Variants in DAAM2 observed in about 807,000 individuals in gnomAD.
The protein encoded by DAAM2 is disheveled-associated activator of morphogenesis 2.
In DAAM2, 39 loss-of-function variants were observed where a neutral mutation model predicts 120.7. That is an observed-to-expected ratio of 0.32 (90% CI 0.25 to 0.42). The LOEUF (loss-of-function observed/expected upper bound fraction) is 0.42. DAAM2 is among the 10% of genes least tolerant of loss of function. The probability of loss-of-function intolerance (pLI) is 1.00; values close to 1 mark genes in which losing one functional copy is unlikely to be tolerated. For missense variants in DAAM2, 1,283 were observed against 1,401.7 expected (o/e 0.92, Z 1.35); for synonymous variants, 488 against 524.9 (o/e 0.93, Z 0.96).
intron 1 of DAAM2, among the ~76,000 whole-genome samples, chr6:39,836,400 C>T (rs1763104200): frequency 6.6e-6 from 1 of 152,180 alleles, no homozygotes; most frequent in Admixed American, 6.5e-5. Context: ...CCCTGCACCA[C>T]CCTGGGTGCC....
At chr6:39,835,687 C>T (rs188086170) in intron 1 of DAAM2, among the ~76,000 whole-genome samples, 210 of 152,332 alleles carry the variant, frequency 1.4e-3, no homozygotes, top group Non-Finnish European at 2.6e-3. Context: ...GCGCATTGAG[C>T]GTAGCTATGA....
Position 39,901,437 on chromosome 6 carries a change from G to A in DAAM2, c.2947G>A (p.Glu983Lys). The change falls in exon 24 of 25, where the codon GAG becomes AAG. Residue 983 changes from glutamate to lysine, a missense_variant. Physicochemically the swap from Glu to Lys is moderately conservative, Grantham distance 56. This residue lies in a region of DAAM2 where 748 missense variants were observed against 768.6 expected (regional missense o/e 0.97). Coordinates refer to ENST00000274867, the MANE Select transcript of DAAM2 (RefSeq NM_001201427.2). The surrounding 1 kb of genome is among the most constrained non-coding windows in gnomAD (Gnocchi z 4.5). ...QDLEAMRRRK[E>K]EEERRARMEA... ...TCTAGAGGCCATGAGGAGGAGGAAGGAGGAGGAGGAGCGGCGGGCGCGCAT... is the reference window on the plus strand; with the variant it reads ...TCTAGAGGCCATGAGGAGGAGGAAGAAGGAGGAGGAGCGGCGGGCGCGCAT... 1 of 1,610,056 alleles carries A rather than the reference G, an allele frequency of 6.2e-7. No homozygotes were observed. Among genetic ancestry groups the A allele is most frequent in the Middle Eastern group, 1.7e-4 (1 of 6,016 alleles).
At chr6:39,866,077 T>C (rs1336239043) in intron 5 of DAAM2, among the ~76,000 whole-genome samples, 3 of 152,218 alleles carry the variant, frequency 2.0e-5, no homozygotes, top group African/African-American at 4.8e-5. Context: ...GGGATGTGTA[T>C]GTTGTCTGAG....
At chr6:39,804,102 G>C (rs1397916569) in intron 1 of DAAM2, among the ~76,000 whole-genome samples, 1 of 152,192 alleles carries the variant, frequency 6.6e-6, no homozygotes, top group Non-Finnish European at 1.5e-5. Flanking sequence ...TCTGTCTGGA[G>C]TTTGGCCTGA....
intron 1 of DAAM2, among the ~76,000 whole-genome samples, chr6:39,849,834 C>T (rs144182837): frequency 8.1e-4 from 124 of 152,154 alleles, no homozygotes; most frequent in African/African-American, 2.7e-3. Flanking sequence ...TCTTGGGACA[C>T]GAGATGGAAA....
At chr6:39,812,011 T>A (rs1382209052) in intron 1 of DAAM2, among the ~76,000 whole-genome samples, 1 of 152,156 alleles carries the variant, frequency 6.6e-6, no homozygotes, top group Non-Finnish European at 1.5e-5. Context: ...ACTTAAACAC[T>A]GAGGCTACAG....
rs1195730472 is a variant in DAAM2 at position 39,878,551 on chromosome 6, A to G, written c.1508A>G (p.Gln503Arg). 1.2e-6 allele frequency: 2 copies of G among 1,609,504 alleles called. No individual in the cohort carries two copies. The highest frequency in any genetic ancestry group is 1.7e-6 in the Non-Finnish European group (2 of 1,178,078). ...ESQELRQARG[Q>R]VAELVAQLSE... ...CAGGAGCTGCGCCAGGCTCGGGGAC[A>G]AGTGGCAGAGCTGGTAGCCCAGCTC... The change falls in exon 13 of 25, where the codon CAA becomes CGA. Residue 503 changes from glutamine to arginine, a missense_variant. Coordinates refer to ENST00000274867, the MANE Select transcript of DAAM2 (RefSeq NM_001201427.2). This position sits in a 1 kb window ranked among gnomAD's most constrained non-coding sequence, Gnocchi z 5.0.
At chr6:39,887,457 C>T (rs766940362) in intron 15 of DAAM2, 29 bp from the exon 16 acceptor site, 104 of 1,561,334 alleles carry the variant, frequency 6.7e-5, no homozygotes, top group Non-Finnish European at 8.6e-5. Context: ...ACCCACACCT[C>T]AACTGTCCAC....
chr6:39,891,709 G>A lies in DAAM2; in HGVS notation c.2328G>A (p.Lys776=), dbSNP rs1302904869. The A allele has an allele frequency of 6.2e-7, 1 of 1,603,092 alleles. No homozygotes were observed. The highest frequency in any genetic ancestry group is 2.3e-5 in the East Asian group (1 of 44,410). Residue 776 remains lysine (K), a synonymous_variant, in exon 19 of 25, where the codon AAG becomes AAA. Coordinates refer to ENST00000274867, the MANE Select transcript of DAAM2 (RefSeq NM_001201427.2). The part of the protein sequence containing the change: ...KKFQERLAEA[K]PKVEAILLAS... Reference sequence around the variant, plus strand: ...TCCAGGAGCGGCTGGCTGAGGCAAAGCCCAAAGTGGAAGGTAGGGCTGAGG... The same window carrying A: ...TCCAGGAGCGGCTGGCTGAGGCAAAACCCAAAGTGGAAGGTAGGGCTGAGG...
intron 1 of DAAM2, among the ~76,000 whole-genome samples, chr6:39,855,075 G>T (rs1228756298): frequency 2.0e-5 from 3 of 152,308 alleles, no homozygotes; most frequent in South Asian, 2.1e-4. Flanking sequence ...ACTCAACAGG[G>T]ATAAAAACAG....
intron 1 of DAAM2, among the ~76,000 whole-genome samples, chr6:39,840,996 T>TG (rs1332599293): frequency 1.4e-4 from 1 of 6,992 alleles, no homozygotes; most frequent in East Asian, 3.0e-3. Flanking sequence ...GGAGGGGATC[T>TG]GGGGGGTAGG....
At chr6:39,873,378 T>C (rs1277418330) in intron 10 of DAAM2, 23 bp downstream of exon 10, 1 of 1,509,434 alleles carries the variant, frequency 6.6e-7, no homozygotes, top group Non-Finnish European at 9.2e-7. Context: ...CACTTGCTGC[T>C]TCCCTCGACT....
At chr6:39,797,738 A>G (rs2113987450) in intron 1 of DAAM2, among the ~76,000 whole-genome samples, 1 of 152,336 alleles carries the variant, frequency 6.6e-6, no homozygotes, top group Non-Finnish European at 1.5e-5. Context: ...TGGGAAAAAG[A>G]AACAGCCAAG....
chr6:39,845,065 CT>C (rs1220493831), intron 1 of DAAM2, among the ~76,000 whole-genome samples: 1 of 135,360 alleles, frequency 7.4e-6, no homozygotes, highest in Non-Finnish European at 1.6e-5. Flanking sequence ...CAACTACACC[CT>C]TACCACACAT....
At chr6:39,838,604 C>G (rs1763198802) in intron 1 of DAAM2, among the ~76,000 whole-genome samples, 1 of 152,126 alleles carries the variant, frequency 6.6e-6, no homozygotes, top group Admixed American at 6.5e-5. Context: ...GAGTGACCAA[C>G]CATCCCAGTT....
At chr6:39,897,940 C>T (rs1766215898) in intron 21 of DAAM2, among the ~76,000 whole-genome samples, 2 of 152,170 alleles carry the variant, frequency 1.3e-5, no homozygotes, top group Admixed American at 6.5e-5. Flanking sequence ...TGCTCACTTC[C>T]TTGACTACCT....
intron 4 of DAAM2, 132 bp from the exon 5 acceptor site, chr6:39,864,848 G>A (rs1764360079): frequency 8.0e-6 from 9 of 1,130,826 alleles, no homozygotes; most frequent in African/African-American, 4.7e-5. Flanking sequence ...CCCAGGGGCC[G>A]ACACTCGGTC....
At chr6:39,866,235 A>G (rs2504788) in intron 5 of DAAM2, among the ~76,000 whole-genome samples, 104,407 of 152,138 alleles carry the variant, frequency 0.69, 36,908 homozygotes, top group African/African-American at 0.86. Flanking sequence ...AGGGGTTGAG[A>G]GGAAGTTGCC....
At chr6:39,887,261 C>T (rs1327360578) in intron 15 of DAAM2, 5 of 472,448 alleles carry the variant, frequency 1.1e-5, no homozygotes, top group African/African-American at 4.0e-5. Context: ...GGAAGGGGGG[C>T]TTCTCGGTGT....
Sources: gnomAD v4.1 joint callset for allele counts (sites outside exome capture counted in the v4.1 genomes callset) on GRCh38, gnomAD v4.1.1 for gene constraint, gnomAD v4.1.1 regional missense constraint, Gnocchi (gnomAD v3.1) non-coding constraint, MANE v1.5 for transcripts, NCBI Gene and HGNC (gene_info 2026-07-23, HGNC 2026-07-21) for gene names.